The following CNTNAP4 variants were observed in gnomAD, a reference collection of about 807,000 sequenced individuals.
CNTNAP4 encodes contactin associated protein family member 4.
CNTNAP4 carries 98 observed loss-of-function variants against 148.4 expected under a neutral mutation model. The ratio of observed to expected loss-of-function variants is 0.66; its 90% CI spans 0.56 to 0.78. The LOEUF (loss-of-function observed/expected upper bound fraction) is 0.78. CNTNAP4 is among the 30% of genes least tolerant of loss of function. CNTNAP4 has a pLI of 0.00. For synonymous variants in CNTNAP4, 730 were observed against 565.1 expected (o/e 1.29, Z -4.14); for missense variants, 1,935 against 1,565.6 (o/e 1.24, Z -3.98).
chr16:76,385,873 G>A (rs138029788), intron 3 of CNTNAP4, among the ~76,000 whole-genome samples: 10 of 152,240 alleles, frequency 6.6e-5, no homozygotes, highest in African/African-American at 2.2e-4. Context: ...GTGCATGGCA[G>A]CTTTCTTGTA....
At chr16:76,425,779 G>T (rs769524888) in intron 3 of CNTNAP4, among the ~76,000 whole-genome samples, 6 of 152,128 alleles carry the variant, frequency 3.9e-5, no homozygotes, top group Admixed American at 1.3e-4. Context: ...TGTTCAAGGA[G>T]GTCCAGTGTG....
At chr16:76,489,342 T>G (rs2143772315) in intron 12 of CNTNAP4, among the ~76,000 whole-genome samples, 1 of 152,272 alleles carries the variant, frequency 6.6e-6, no homozygotes. Flanking sequence ...ATGATGCATC[T>G]TTAAAAAGAT....
intron 9 of CNTNAP4, among the ~76,000 whole-genome samples, chr16:76,465,661 G>T (rs780591225): frequency 1.2e-4 from 18 of 152,174 alleles, no homozygotes; most frequent in East Asian, 5.8e-4. Context: ...TTCTTAATTG[G>T]CTAATAAGTC....
chr16:76,502,652 C>T (rs924670141), intron 15 of CNTNAP4, among the ~76,000 whole-genome samples: 1 of 152,068 alleles, frequency 6.6e-6, no homozygotes. Flanking sequence ...CAATGATTGG[C>T]ATGGAGCTTT....
intron 2 of CNTNAP4, among the ~76,000 whole-genome samples, chr16:76,345,919 C>G (rs1393337441): frequency 6.6e-6 from 1 of 152,150 alleles, no homozygotes; most frequent in African/African-American, 2.4e-5. Flanking sequence ...TCACATACAT[C>G]ACTAATAATG....
intron 3 of CNTNAP4, among the ~76,000 whole-genome samples, chr16:76,408,844 A>T (rs1164441661): frequency 6.6e-6 from 1 of 152,030 alleles, no homozygotes; most frequent in Admixed American, 6.6e-5. Flanking sequence ...TTCTCTGAAC[A>T]TGTTCTCTGT....
Position 76,277,537 on chromosome 16 carries a change from G to A in CNTNAP4, c.-126G>A, listed in dbSNP as rs1016299182. ...AGACGGAGGGAGGTGAGGAGGAAGG[G>A]AGGGGGAGAGACAGAGACCTAGAGG... is the stretch of plus-strand genomic sequence containing the variant. On this transcript the variant is annotated 5_prime_UTR_variant, in exon 1 of 24. Coordinates refer to ENST00000611870, the MANE Select transcript of CNTNAP4 (RefSeq NM_033401.5). 2 of 627,932 alleles carry A rather than the reference G, an allele frequency of 3.2e-6. No homozygotes were observed. The highest frequency in any genetic ancestry group is 3.7e-5 in the African/African-American group (2 of 54,456). The allele number at this position is 627,932 out of a possible 1,614,324, so 38.9% of individuals were successfully genotyped here. A position where few individuals can be genotyped will look rare whatever the true frequency, so the allele number is the denominator to read the frequency against.
At chr16:76,378,252 A>G (rs565632724) in intron 3 of CNTNAP4, among the ~76,000 whole-genome samples, 4 of 152,288 alleles carry the variant, frequency 2.6e-5, no homozygotes, top group Non-Finnish European at 5.9e-5. Flanking sequence ...CCATGTAACA[A>G]TTTTCAGTTA....
intron 3 of CNTNAP4, among the ~76,000 whole-genome samples, chr16:76,395,108 A>G (rs1356806076): frequency 1.3e-5 from 2 of 152,190 alleles, no homozygotes; most frequent in Admixed American, 1.3e-4. Flanking sequence ...AATGACCATC[A>G]TGACAATCAA....
At chr16:76,364,531 A>G (rs1402527152) in intron 3 of CNTNAP4, among the ~76,000 whole-genome samples, 1 of 152,126 alleles carries the variant, frequency 6.6e-6, no homozygotes, top group Non-Finnish European at 1.5e-5. Flanking sequence ...CCATGTGACA[A>G]TTCAATGACA....
intron 3 of CNTNAP4, among the ~76,000 whole-genome samples, chr16:76,420,922 C>G (rs1305974057): frequency 6.6e-6 from 1 of 151,834 alleles, no homozygotes; most frequent in African/African-American, 2.4e-5. Flanking sequence ...TAGTTATTGT[C>G]CATCTCAATA....
chr16:76,334,977 G>A (rs958992390), intron 2 of CNTNAP4, among the ~76,000 whole-genome samples: 3 of 152,056 alleles, frequency 2.0e-5, no homozygotes, highest in African/African-American at 4.8e-5. Context: ...ATCATTTGGT[G>A]TATTGTGTTG....
At position 76,467,481 on chromosome 16, in the gene CNTNAP4, ACT is replaced by A; in HGVS notation, c.1614_1615del (p.Phe539GlnfsTer2). 1 of 1,613,870 alleles carries A rather than the reference ACT, an allele frequency of 6.2e-7. No homozygotes were observed. The highest frequency in any genetic ancestry group is 1.1e-5 in the South Asian group (1 of 91,068). ...TCAGTTCAGCAGGGGTCCCTTGGGA[ACT>A]TCAGTGACCTTCAGATAGACTCATG... is the stretch of plus-strand genomic sequence containing the variant. On this transcript the variant is annotated frameshift_variant, in exon 10 of 24. Transcript: ENST00000611870. LOFTEE classifies it high-confidence loss of function.
At chr16:76,445,112 C>T (rs1025971840) in intron 4 of CNTNAP4, among the ~76,000 whole-genome samples, 4 of 152,086 alleles carry the variant, frequency 2.6e-5, no homozygotes, top group Admixed American at 2.6e-4. Flanking sequence ...TTAAGTGTTC[C>T]AAGAGTAATC....
At chr16:76,280,283 C>T (rs534086803) in intron 1 of CNTNAP4, among the ~76,000 whole-genome samples, 116 of 152,232 alleles carry the variant, frequency 7.6e-4, no homozygotes, top group Non-Finnish European at 1.3e-3. Flanking sequence ...GGATTAGGTG[C>T]ACTTTAATTT....
At chr16:76,454,111 C>CTTTTTTTTT (rs11302612) in intron 8 of CNTNAP4, among the ~76,000 whole-genome samples, 2 of 130,098 alleles carry the variant, frequency 1.5e-5, no homozygotes, top group South Asian at 2.4e-4. Flanking sequence ...CTATTTCTTT[C>CTTTTTTTTT]TTTTTTTTTT....
rs549117142 is a variant in CNTNAP4 at position 76,499,921 on chromosome 16, T to C, written c.2365+1227T>C. 6.0e-3 allele frequency among the ~76,000 whole-genome samples: 909 copies of C among 152,202 alleles called. 8 individuals are homozygous for C. The highest frequency in any genetic ancestry group is 0.017 in the African/African-American group (706 of 41,544). ...CATCCCAAGGCAGAAGAATTTTTCT[T>C]AGTACAGAACAAAATGGAGTCTCCT... On this transcript the variant is annotated intron_variant, in intron 15 of 23. Transcript: ENST00000611870.
chr16:76,370,816 A>G (rs1269196283), intron 3 of CNTNAP4, among the ~76,000 whole-genome samples: 2 of 152,204 alleles, frequency 1.3e-5, no homozygotes, highest in Non-Finnish European at 2.9e-5. Context: ...TTCCCTTTCA[A>G]CCCATAAAGA....
intron 2 of CNTNAP4, among the ~76,000 whole-genome samples, chr16:76,350,279 C>T (rs1567808629): frequency 6.6e-6 from 1 of 152,090 alleles, no homozygotes; most frequent in African/African-American, 2.4e-5. Context: ...AGTAATTTCT[C>T]ACCTGCACTA....
Sources: allele counts gnomAD v4.1 joint callset (sites outside exome capture counted in the v4.1 genomes callset), GRCh38; gene constraint gnomAD v4.1.1; transcripts MANE v1.5; gene names NCBI Gene and HGNC (gene_info 2026-07-23, HGNC 2026-07-21).